PDE3B: variants seen among roughly 807,000 people sequenced by gnomAD.
PDE3B encodes the protein cGMP-inhibited 3',5'-cyclic phosphodiesterase 3B.
Under a neutral mutation model 116.8 loss-of-function variants are expected in PDE3B, and 66 were observed. That is an observed-to-expected ratio of 0.56 (90% CI 0.46 to 0.69). The LOEUF (loss-of-function observed/expected upper bound fraction) is 0.69. PDE3B is among the 30% of genes least tolerant of loss of function. The probability of loss-of-function intolerance (pLI) is 0.00; values close to 1 mark genes in which losing one functional copy is unlikely to be tolerated. For synonymous variants in PDE3B, 595 were observed against 533.6 expected (o/e 1.12, Z -1.59); for missense variants, 1,384 against 1,368.1 (o/e 1.01, Z -0.18).
chr11:14,835,405 C>T (rs1487737243), intron 11 of PDE3B, among the ~76,000 whole-genome samples: 13 of 151,818 alleles, frequency 8.6e-5, no homozygotes, highest in Admixed American at 5.9e-4. Context: ...GCCACTATCC[C>T]GAATATTATG....
chr11:14,662,709 T>C (rs1170195384), intron 1 of PDE3B, among the ~76,000 whole-genome samples: 3 of 151,936 alleles, frequency 2.0e-5, no homozygotes, highest in Non-Finnish European at 4.4e-5. Flanking sequence ...AGGGTATCAG[T>C]GATGGAAGAT....
At chr11:14,756,917 G>A (rs971324842) in intron 1 of PDE3B, among the ~76,000 whole-genome samples, 5 of 148,840 alleles carry the variant, frequency 3.4e-5, no homozygotes, top group African/African-American at 1.2e-4. Flanking sequence ...TCGTCATCTA[G>A]CATTAGGTAT....
intron 1 of PDE3B, among the ~76,000 whole-genome samples, chr11:14,752,558 C>A (rs1857082267): frequency 6.6e-6 from 1 of 152,134 alleles, no homozygotes; most frequent in African/African-American, 2.4e-5. Flanking sequence ...AAGTTCCTCC[C>A]TCCTTCAAGT....
At chr11:14,675,533 C>T (rs1854508441) in intron 1 of PDE3B, among the ~76,000 whole-genome samples, 1 of 152,080 alleles carries the variant, frequency 6.6e-6, no homozygotes, top group Non-Finnish European at 1.5e-5. Context: ...CATCCAGCTC[C>T]TCAGAGACAG....
intron 1 of PDE3B, among the ~76,000 whole-genome samples, chr11:14,658,594 A>G (rs953244338): frequency 2.6e-5 from 4 of 152,174 alleles, no homozygotes; most frequent in African/African-American, 7.2e-5. Context: ...TGACCTCGTG[A>G]TCCGCCCGCC....
At chr11:14,728,382 A>G (rs770231758) in intron 1 of PDE3B, among the ~76,000 whole-genome samples, 3 of 152,056 alleles carry the variant, frequency 2.0e-5, no homozygotes, top group Non-Finnish European at 2.9e-5. Context: ...TTTAGTCAGT[A>G]TTTTTCATGC....
chr11:14,722,200 G>A (rs936950445), intron 1 of PDE3B, among the ~76,000 whole-genome samples: 2 of 150,118 alleles, frequency 1.3e-5, no homozygotes, highest in Non-Finnish European at 3.0e-5. Context: ...TAGGAGATAT[G>A]CCTAATGTTA....
chr11:14,744,210 A>G (rs553913538), intron 1 of PDE3B, among the ~76,000 whole-genome samples: 4 of 152,296 alleles, frequency 2.6e-5, no homozygotes, highest in Non-Finnish European at 5.9e-5. Flanking sequence ...GCAACCAGCT[A>G]TGTGAGTCTT....
At position 14,867,656 on chromosome 11, in the gene PDE3B, T is replaced by C. The variant is rs782307772; in HGVS notation, c.3037T>C (p.Trp1013Arg). Residue 1013 changes from tryptophan to arginine, a missense_variant, in exon 15 of 16, where the codon TGG (tryptophan) becomes CGG (arginine). Around this residue, in one of 2 missense-constraint regions of PDE3B, gnomAD observed 428 missense variants for 561.4 expected, o/e 0.76. Transcript: ENST00000282096. ...YDAAGLLPGQ[W>R]LEAEEDNDTE... ...TGCTGCTGGTTTGCTACCAGGTCAGTGGTTAGAAGCAGAAGAGGATAATGA... is the reference window on the plus strand; with the variant it reads ...TGCTGCTGGTTTGCTACCAGGTCAGCGGTTAGAAGCAGAAGAGGATAATGA... 6.2e-6 allele frequency: 10 copies of C among 1,613,856 alleles called. No homozygotes were observed. The highest frequency in any genetic ancestry group is 8.5e-6 in the Non-Finnish European group (10 of 1,179,952).
intron 1 of PDE3B, among the ~76,000 whole-genome samples, chr11:14,738,642 T>A (rs1856668161): frequency 6.6e-6 from 1 of 152,234 alleles, no homozygotes; most frequent in Non-Finnish European, 1.5e-5. Flanking sequence ...TTTGTTGCCA[T>A]TGCTTTTTGT....
At chr11:14,777,391 A>G (rs959367306) in intron 2 of PDE3B, among the ~76,000 whole-genome samples, 1 of 152,214 alleles carries the variant, frequency 6.6e-6, no homozygotes, top group Admixed American at 6.5e-5. Context: ...CTACAGATTC[A>G]AGAAGCTTTC....
intron 1 of PDE3B, among the ~76,000 whole-genome samples, chr11:14,746,744 G>A (rs537620392): frequency 2.6e-5 from 4 of 152,288 alleles, no homozygotes; most frequent in Admixed American, 2.6e-4. Flanking sequence ...ATGGAATAGT[G>A]GCAAGAGTAT....
At chr11:14,705,535 G>A (rs568801784) in intron 1 of PDE3B, among the ~76,000 whole-genome samples, 130 of 151,832 alleles carry the variant, frequency 8.6e-4, no homozygotes, top group Non-Finnish European at 1.7e-3. Context: ...GTTGGTGATG[G>A]AAATGTTTTG....
At chr11:14,809,971 T>C (rs1859072514) in intron 5 of PDE3B, among the ~76,000 whole-genome samples, 2 of 152,030 alleles carry the variant, frequency 1.3e-5, no homozygotes, top group Non-Finnish European at 2.9e-5. Context: ...TGGTTTTGGG[T>C]CATCTTTATA....
chr11:14,881,099 A>G, the PDE3B span, among the ~76,000 whole-genome samples: 1 of 152,100 alleles, frequency 6.6e-6, no homozygotes, highest in Non-Finnish European at 1.5e-5. Flanking sequence ...ACCAAAGACA[A>G]ATGACCACAT....
chr11:14,673,960 T>G, intron 1 of PDE3B: 1 of 1,358,502 alleles, frequency 7.4e-7, no homozygotes, highest in Non-Finnish European at 1.1e-6. Context: ...TTCTTGTAAT[T>G]TGCGTAATCC....
chr11:14,786,272 C>T (rs1858191524), intron 2 of PDE3B, among the ~76,000 whole-genome samples, 165 bp from the exon 3 acceptor site: 1 of 151,158 alleles, frequency 6.6e-6, no homozygotes, highest in African/African-American at 2.4e-5. Flanking sequence ...TAGTTAATAC[C>T]ATTAAATATA....
intron 1 of PDE3B, among the ~76,000 whole-genome samples, chr11:14,765,895 C>T: frequency 6.6e-6 from 1 of 150,718 alleles, no homozygotes; most frequent in East Asian, 1.9e-4. Context: ...GGTTTAGATG[C>T]CTAAAACTTT....
intron 12 of PDE3B, among the ~76,000 whole-genome samples, chr11:14,849,353 C>T (rs1203151775): frequency 6.8e-6 from 1 of 146,704 alleles, no homozygotes; most frequent in Non-Finnish European, 1.5e-5. Flanking sequence ...GGATTAAAGA[C>T]TTAAACGTTA....
Sources: gnomAD v4.1 joint callset for allele counts (sites outside exome capture counted in the v4.1 genomes callset) on GRCh38, gnomAD v4.1.1 for gene constraint, gnomAD v4.1.1 regional missense constraint, MANE v1.5 for transcripts, NCBI Gene and HGNC (gene_info 2026-07-23, HGNC 2026-07-21) for gene names.